The following BCAS2 variants were observed in gnomAD, a reference collection of about 807,000 sequenced individuals.
The protein encoded by BCAS2 is BCAS2 pre-mRNA processing factor.
A neutral mutation model predicts 35.3 loss-of-function variants in BCAS2; 34 were observed. The observed-to-expected ratio is 0.96, with a 90% CI of 0.73 to 1.28. The LOEUF is 1.28. Ranked by LOEUF, BCAS2 falls within the 50% of genes most tolerant of loss-of-function variation. The pLI, the probability that BCAS2 is intolerant of heterozygous loss-of-function variation, is 0.00. For missense variants in BCAS2, 221 were observed against 268.1 expected (o/e 0.82, Z 1.23); for synonymous variants, 75 against 91.6 (o/e 0.82, Z 1.03).
chr1:114,573,122 CAAAAAAAAA>C lies in BCAS2; in HGVS notation c.420-2381_420-2373del, dbSNP rs34796829. On this transcript the variant is annotated intron_variant, in intron 4 of 6. Coordinates refer to ENST00000369541, the MANE Select transcript of BCAS2 (RefSeq NM_005872.3). ...CTGTCCCGCCCCCCGCCCCCACCTCCAAAAAAAAAAAAAAAAAAAAAAAAAAAAACTTGG... is the reference window on the plus strand; with the variant it reads ...CTGTCCCGCCCCCCGCCCCCACCTCCAAAAAAAAAAAAAAAAAAAACTTGG... Among the ~76,000 whole-genome samples, 63 of 6,374 alleles carry C rather than the reference CAAAAAAAAA, an allele frequency of 9.9e-3. 1 individual carries two copies. The highest frequency in any genetic ancestry group is 0.037 in the African/African-American group (61 of 1,638). The allele number at this position is 6,374 out of a possible 152,430, so 4.2% of individuals were successfully genotyped here.
chr1:114,570,568 T>C, intron 5 of BCAS2, 132 bp downstream of exon 5: 1 of 682,160 alleles, frequency 1.5e-6, no homozygotes, highest in Non-Finnish European at 2.5e-6. Flanking sequence ...CAGTGTCAGA[T>C]GTTGAACAAA....
chr1:114,572,746 C>A (rs939580384), intron 4 of BCAS2, among the ~76,000 whole-genome samples: 3 of 152,072 alleles, frequency 2.0e-5, no homozygotes, highest in Admixed American at 2.0e-4. Context: ...GCAATAATCA[C>A]CAGAGAAAGG....
intron 4 of BCAS2, among the ~76,000 whole-genome samples, chr1:114,574,131 T>G (rs1431677436): frequency 6.6e-6 from 1 of 152,232 alleles, no homozygotes; most frequent in Non-Finnish European, 1.5e-5. Flanking sequence ...GCTAGTTACA[T>G]GGAACAGAAA....
chr1:114,581,118 A>C (rs1427548567), intron 2 of BCAS2, among the ~76,000 whole-genome samples, 181 bp downstream of exon 2: 1 of 152,170 alleles, frequency 6.6e-6, no homozygotes, highest in Non-Finnish European at 1.5e-5. Flanking sequence ...CTTCCTATGG[A>C]TCTTAGAATA....
At chr1:114,579,998 A>G (rs1654849389) in intron 2 of BCAS2, among the ~76,000 whole-genome samples, 1 of 149,724 alleles carries the variant, frequency 6.7e-6, no homozygotes, top group Admixed American at 6.7e-5. Flanking sequence ...TGGCATTATC[A>G]TGGCTCACTG....
intron 2 of BCAS2, among the ~76,000 whole-genome samples, chr1:114,579,927 TC>T (rs1654847498): frequency 2.0e-5 from 3 of 150,898 alleles, no homozygotes; most frequent in Admixed American, 2.0e-4. Flanking sequence ...GTAAATAATA[TC>T]TTTTTTTTTT....
chr1:114,573,832 C>T (rs926537267), intron 4 of BCAS2, among the ~76,000 whole-genome samples: 8 of 152,252 alleles, frequency 5.3e-5, no homozygotes, highest in African/African-American at 1.9e-4. Flanking sequence ...ATTTTGTCCA[C>T]TGGATCATTT....
intron 4 of BCAS2, among the ~76,000 whole-genome samples, chr1:114,573,122 CAAAA>C (rs34796829): frequency 0.015 from 97 of 6,348 alleles, no homozygotes; most frequent in Admixed American, 0.034. Context: ...CCCCCACCTC[CAAAA>C]AAAAAAAAAA....
chr1:114,579,882 AAACTT>A (rs1296157256), intron 2 of BCAS2, among the ~76,000 whole-genome samples: 1 of 152,072 alleles, frequency 6.6e-6, no homozygotes, highest in Non-Finnish European at 1.5e-5. Flanking sequence ...AAACAACAAC[AAACTT>A]AACTAACAAT....
intron 4 of BCAS2, 94 bp downstream of exon 4, chr1:114,575,496 C>T: frequency 1.6e-6 from 2 of 1,284,810 alleles, no homozygotes; most frequent in East Asian, 2.5e-5. Flanking sequence ...CACCCAGCAC[C>T]TCCCATACTT....
Sources: allele counts gnomAD v4.1 joint callset (sites outside exome capture counted in the v4.1 genomes callset), GRCh38; gene constraint gnomAD v4.1.1; transcripts MANE v1.5; gene names NCBI Gene and HGNC (gene_info 2026-07-23, HGNC 2026-07-21).